Variants in RUNX2 observed in about 807,000 individuals in gnomAD.
RUNX2 encodes the protein RUNX family transcription factor 2.
A neutral mutation model predicts 51.7 loss-of-function variants in RUNX2; 10 were observed. The observed-to-expected ratio is 0.19, with a 90% CI of 0.12 to 0.33. RUNX2 has a LOEUF of 0.33. Ranked by LOEUF, RUNX2 falls within the 10% of genes least tolerant of loss-of-function variation. RUNX2 has a pLI of 1.00. For synonymous variants in RUNX2, 276 were observed against 273.6 expected, an observed-to-expected ratio of 1.01 and a Z score of -0.09; for missense variants, 562 against 691.3, an observed-to-expected ratio of 0.81 and a Z score of 2.10.
chr6:45,523,453 T>C (rs755382344), intron 7 of RUNX2, among the ~76,000 whole-genome samples: 1 of 151,796 alleles, frequency 6.6e-6, no homozygotes, highest in Non-Finnish European at 1.5e-5. Flanking sequence ...AAATTATTAG[T>C]AGAGACGGGG....
intron 5 of RUNX2, among the ~76,000 whole-genome samples, chr6:45,469,573 A>T (rs189818717): frequency 2.4e-4 from 37 of 152,356 alleles, no homozygotes; most frequent in African/African-American, 8.2e-4. Context: ...CAGCATTCAA[A>T]CACTGTAGAG....
intron 5 of RUNX2, among the ~76,000 whole-genome samples, chr6:45,479,915 A>G (rs1329595812): frequency 6.6e-6 from 1 of 152,220 alleles, no homozygotes; most frequent in East Asian, 1.9e-4. Flanking sequence ...TCCTTTTTAT[A>G]TAACGATAAC....
At chr6:45,443,095 G>A (rs1387088846) in intron 5 of RUNX2, among the ~76,000 whole-genome samples, 1 of 137,912 alleles carries the variant, frequency 7.3e-6, no homozygotes, top group Non-Finnish European at 1.5e-5. Flanking sequence ...CATCCAGGCT[G>A]GAGTACAGTG....
intron 5 of RUNX2, among the ~76,000 whole-genome samples, chr6:45,454,510 CTT>C (rs561305430): frequency 1.1e-3 from 167 of 152,288 alleles, no homozygotes; most frequent in African/African-American, 3.9e-3. Context: ...TGAGTCATCT[CTT>C]AGCTGTAAAC....
chr6:45,532,296 G>T lies in RUNX2; in HGVS notation c.1022-12921G>T, dbSNP rs1269488365. On this transcript the variant is annotated intron_variant, in intron 7 of 8. Coordinates refer to ENST00000647337, the MANE Select transcript of RUNX2 (RefSeq NM_001024630.4). Reference sequence around the variant, plus strand: ...AGTATTTCTAGTAGAATTTTTGAAGGTATTTTTGGAATTCTCAGACTTGTC... The same window carrying T: ...AGTATTTCTAGTAGAATTTTTGAAGTTATTTTTGGAATTCTCAGACTTGTC... Among the ~76,000 whole-genome samples, 5 of 150,684 alleles carry T rather than the reference G, an allele frequency of 3.3e-5. No individual in the cohort carries two copies. The South Asian group carries it at 6.3e-4, about 19-fold the overall frequency.
At chr6:45,459,307 T>A (rs944541086) in intron 5 of RUNX2, among the ~76,000 whole-genome samples, 2 of 152,194 alleles carry the variant, frequency 1.3e-5, no homozygotes, top group Non-Finnish European at 2.9e-5. Flanking sequence ...TAGAATTACC[T>A]AAAAATAACT....
chr6:45,409,701 A>G lies in RUNX2; in HGVS notation c.59-12892A>G, dbSNP rs139143160. On this transcript the variant is annotated intron_variant, in intron 2 of 8. Coordinates refer to ENST00000647337, the MANE Select transcript of RUNX2 (RefSeq NM_001024630.4). ...AATAATAACACTTAATAATATGAAA[A>G]TTTCCTATTTTAAAAGGATAGAAAA... Among the ~76,000 whole-genome samples, 1,320 of 152,352 alleles carry G rather than the reference A, an allele frequency of 8.7e-3. 8 individuals are homozygous for G. Among genetic ancestry groups the G allele is most frequent in the Middle Eastern group, 0.027 (8 of 294 alleles).
chr6:45,358,407 T>C (rs935273391), intron 2 of RUNX2, among the ~76,000 whole-genome samples: 2 of 152,204 alleles, frequency 1.3e-5, no homozygotes, highest in African/African-American at 4.8e-5. Context: ...TTTCTATCAC[T>C]GTGGAAAGTT....
intron 2 of RUNX2, among the ~76,000 whole-genome samples, chr6:45,387,235 CAT>C (rs1441927881): frequency 2.0e-5 from 3 of 152,110 alleles, no homozygotes; most frequent in Non-Finnish European, 1.5e-5. Context: ...CAGTTTTGGA[CAT>C]ATGTTTGAGG....
intron 2 of RUNX2, among the ~76,000 whole-genome samples, chr6:45,333,650 AT>A (rs1020073798): frequency 1.7e-4 from 25 of 151,446 alleles, no homozygotes; most frequent in African/African-American, 5.8e-4. Flanking sequence ...AAAAACAATC[AT>A]TTTTTATATC....
chr6:45,422,012 C>G (rs987571849), intron 2 of RUNX2: 2 of 149,474 alleles, frequency 1.3e-5, no homozygotes, highest in Admixed American at 6.7e-5. Flanking sequence ...GCGTGCAGCC[C>G]GCGCGGGGGG....
intron 7 of RUNX2, among the ~76,000 whole-genome samples, chr6:45,528,790 T>G (rs1321312454): frequency 6.6e-6 from 1 of 152,354 alleles, no homozygotes; most frequent in Middle Eastern, 3.4e-3. Context: ...GGCGAGCTAA[T>G]ATCCAGCAGT....
intron 2 of RUNX2, among the ~76,000 whole-genome samples, chr6:45,405,565 G>A (rs997967151): frequency 6.6e-6 from 1 of 152,176 alleles, no homozygotes; most frequent in Non-Finnish European, 1.5e-5. Context: ...GAGGCAGGGG[G>A]ATCACCTGAG....
intron 5 of RUNX2, among the ~76,000 whole-genome samples, chr6:45,479,891 A>T (rs1018462197): frequency 6.6e-6 from 1 of 152,214 alleles, no homozygotes; most frequent in South Asian, 2.1e-4. Context: ...ACTCCATTTA[A>T]CACTACATTT....
In RUNX2 at chr6:45,491,959, A is replaced by G. The variant is rs780701424; in HGVS notation, c.704A>G (p.Asp235Gly). 1.2e-6 allele frequency: 2 copies of G among 1,613,884 alleles called. No homozygotes were observed. Among genetic ancestry groups the G allele is most frequent in the East Asian group, 2.2e-5 (1 of 44,874 alleles). ...TTTCCAGGGCACAGACAGAAGCTTGATGACTCTAAACCTAGTTTGTTCTCT... is the reference window on the plus strand; with the variant it reads ...TTTCCAGGGCACAGACAGAAGCTTGGTGACTCTAAACCTAGTTTGTTCTCT... ...REPRRHRQKL[D>G]DSKPSLFSDR... Residue 235 changes from aspartate (D) to glycine (G), a missense_variant, in exon 6 of 9, where the codon GAT becomes GGT. This residue lies in a region of RUNX2 where 37 missense variants were observed against 66.5 expected (regional missense o/e 0.56). Transcript: ENST00000647337.
At chr6:45,431,357 C>G (rs1001442186) in intron 3 of RUNX2, among the ~76,000 whole-genome samples, 2 of 152,308 alleles carry the variant, frequency 1.3e-5, no homozygotes, top group East Asian at 3.9e-4. Flanking sequence ...ACAGACTACA[C>G]GATATCTAGG....
chr6:45,448,105 G>A (rs1339620705), intron 5 of RUNX2, among the ~76,000 whole-genome samples: 1 of 152,230 alleles, frequency 6.6e-6, no homozygotes, highest in Admixed American at 6.5e-5. Context: ...TGTCACTCTG[G>A]AGAACTCTGG....
At chr6:45,510,865 C>T (rs1329779589) in intron 6 of RUNX2, among the ~76,000 whole-genome samples, 1 of 151,922 alleles carries the variant, frequency 6.6e-6, no homozygotes, top group African/African-American at 2.4e-5. Flanking sequence ...TATTGCTGCC[C>T]CTCCTTCCTC....
In RUNX2 at chr6:45,483,831, G is replaced by A. The variant is rs183119021; in HGVS notation, c.686-8110G>A. Among the ~76,000 whole-genome samples the A allele has an allele frequency of 3.9e-5, 6 of 152,336 alleles. 1 individual carries two copies. Among genetic ancestry groups the A allele is most frequent in the Admixed American group, 3.3e-4 (5 of 15,300 alleles). The stretch of plus-strand genomic sequence containing the variant: ...AGGGGACAGCTTGAGCAAAGGCACA[G>A]GGTGTATTTGGACTGTCGATAGACC... On this transcript the variant is annotated intron_variant, in intron 5 of 8. Coordinates refer to ENST00000647337, the MANE Select transcript of RUNX2 (RefSeq NM_001024630.4).
Sources: gnomAD v4.1 joint callset for allele counts (sites outside exome capture counted in the v4.1 genomes callset) on GRCh38, gnomAD v4.1.1 for gene constraint, gnomAD v4.1.1 regional missense constraint, MANE v1.5 for transcripts, NCBI Gene and HGNC (gene_info 2026-07-23, HGNC 2026-07-21) for gene names.